Variants in HEATR5B observed in about 807,000 individuals in gnomAD.
The protein encoded by HEATR5B is HEAT repeat-containing protein 5B.
HEATR5B carries 156 observed loss-of-function variants against 224.1 expected under a neutral mutation model. The observed-to-expected ratio is 0.70, with a 90% confidence interval of 0.61 to 0.80. The LOEUF is 0.80. Ranked by LOEUF, HEATR5B falls within the 30% of genes least tolerant of loss-of-function variation. The pLI is 0.00. For missense variants in HEATR5B, 2,323 were observed against 2,535.5 expected, an observed-to-expected ratio of 0.92 and a Z score of 1.80; for synonymous variants, 1,027 against 893.0, an observed-to-expected ratio of 1.15 and a Z score of -2.68.
chr2:37,035,657 G>C (rs1669432211), intron 21 of HEATR5B, among the ~76,000 whole-genome samples: 1 of 151,988 alleles, frequency 6.6e-6, no homozygotes, highest in Non-Finnish European at 1.5e-5. Context: ...TCTCTTAACT[G>C]CTTCTACATA....
intron 22 of HEATR5B, among the ~76,000 whole-genome samples, chr2:37,030,565 T>C (rs1402135643): frequency 2.0e-5 from 3 of 152,174 alleles, no homozygotes; most frequent in Admixed American, 1.3e-4. Context: ...TTCAAGGACA[T>C]AGTGCCAAAA....
In HEATR5B at chr2:37,007,225, C is replaced by T. The variant is rs374979869; in HGVS notation, c.4602G>A (p.Ala1534=). Reference sequence around the variant, plus strand: ...CTGTGCTATTTAACCAAAGTGCCACCGCATGGAGAATTGGGGCCCAGGAAT... The same window carrying T: ...CTGTGCTATTTAACCAAAGTGCCACTGCATGGAGAATTGGGGCCCAGGAAT... ...YRNSWAPILH[A]VALWLNSTGF... The change falls in exon 29 of 36, where the codon GCG becomes GCA. Residue 1534 remains alanine, a synonymous_variant. Coordinates refer to ENST00000233099, the MANE Select transcript of HEATR5B (RefSeq NM_019024.3). The T allele has an allele frequency of 7.2e-5, 116 of 1,613,798 alleles. No homozygotes were observed. The highest frequency in any genetic ancestry group is 8.0e-5 in the Non-Finnish European group (94 of 1,180,018).
intron 35 of HEATR5B, among the ~76,000 whole-genome samples, chr2:36,984,527 A>T (rs1052466933): frequency 1.3e-5 from 2 of 152,010 alleles, no homozygotes; most frequent in Non-Finnish European, 2.9e-5. Context: ...GGAGTGAGCT[A>T]CGCAATTAGG....
At chr2:37,002,856 T>G (rs566613965) in intron 31 of HEATR5B, among the ~76,000 whole-genome samples, 1 of 152,198 alleles carries the variant, frequency 6.6e-6, no homozygotes, top group African/African-American at 2.4e-5. Flanking sequence ...CCAGATGAAA[T>G]TGACAAAAGG....
intron 21 of HEATR5B, among the ~76,000 whole-genome samples, chr2:37,035,087 T>C (rs538053908): frequency 3.9e-5 from 6 of 152,256 alleles, no homozygotes; most frequent in African/African-American, 1.4e-4. Flanking sequence ...ATGGAGAACA[T>C]CATAACATTT....
At chr2:37,066,185 T>TA in intron 8 of HEATR5B, among the ~76,000 whole-genome samples, 1 of 152,310 alleles carries the variant, frequency 6.6e-6, no homozygotes, top group East Asian at 1.9e-4. Context: ...ATCCAGTGTA[T>TA]AAAAGCACAG....
In HEATR5B at chr2:37,002,320, AG is replaced by A. The variant is rs768275094; in HGVS notation, c.5302del (p.Leu1768PhefsTer8). On this transcript the variant is annotated frameshift_variant, in exon 32 of 36. Coordinates refer to ENST00000233099, the MANE Select transcript of HEATR5B (RefSeq NM_019024.3). LOFTEE classifies it high-confidence loss of function. ...TVTILSDLPS[L>X]CSPAGCMTIL... is the part of the protein sequence containing the mutation. ...CAATACCGTACCAGCGGGTGAACAA[AG>A]GGATGGTAAATCAGAGAGTATGGTA... The A allele has an allele frequency of 1.5e-5, 25 of 1,614,128 alleles. No individual in the cohort carries two copies. Among genetic ancestry groups the A allele is most frequent in the Non-Finnish European group, 2.1e-5 (25 of 1,180,048 alleles).
At position 37,037,916 on chromosome 2, in the gene HEATR5B, T is replaced by C; in HGVS notation, c.3155A>G (p.Gln1052Arg). The stretch of plus-strand genomic sequence containing the variant: ...TCGTGGTGCAAACATGTGAAGCTGC[T>C]GAAGGCAAGATATGGCAGCTGCCTG... ...LVQAAAISCL[Q>R]QLHMFAPRHV... Residue 1052 changes from glutamine (Q) to arginine (R), a missense_variant, in exon 21 of 36, where the codon CAG becomes CGG. By Grantham distance (43) the Gln-to-Arg change is conservative (BLOSUM62 1). Coordinates refer to ENST00000233099, the MANE Select transcript of HEATR5B (RefSeq NM_019024.3). 1 of 1,600,788 alleles carries C rather than the reference T, an allele frequency of 6.2e-7. No homozygotes were observed. Among genetic ancestry groups the C allele is most frequent in the Non-Finnish European group, 8.5e-7 (1 of 1,171,616 alleles).
At chr2:37,015,920 C>G (rs112871971) in intron 26 of HEATR5B, among the ~76,000 whole-genome samples, 10 of 151,088 alleles carry the variant, frequency 6.6e-5, no homozygotes, top group Admixed American at 1.3e-4. Flanking sequence ...TAAAGCCAGA[C>G]CAGATGGAAC....
intron 13 of HEATR5B, 93 bp from the exon 14 acceptor site, chr2:37,058,653 C>T: frequency 1.2e-6 from 1 of 835,544 alleles, no homozygotes. Context: ...TGCCAAACTA[C>T]ACTGATAAGT....
chr2:37,068,951 G>T (rs371829666), intron 7 of HEATR5B, 21 bp from the exon 8 acceptor site: 5 of 1,603,602 alleles, frequency 3.1e-6, no homozygotes, highest in Admixed American at 1.7e-5. Context: ...AGGAAGGTAC[G>T]ACTTCAGATA....
intron 27 of HEATR5B, among the ~76,000 whole-genome samples, chr2:37,010,756 C>T (rs1487639474): frequency 2.6e-5 from 4 of 151,960 alleles, no homozygotes; most frequent in Admixed American, 6.6e-5. Context: ...GCAGGTGATC[C>T]ATCCTTCTCA....
At chr2:37,043,843 T>C (rs1398646446) in intron 18 of HEATR5B, among the ~76,000 whole-genome samples, 7 of 152,162 alleles carry the variant, frequency 4.6e-5, no homozygotes, top group Non-Finnish European at 8.8e-5. Context: ...AAGTCCCTAA[T>C]AGAAGCCACA....
Position 37,079,150 on chromosome 2 carries a change from T to C in HEATR5B, c.308A>G (p.Asp103Gly). 6.2e-7 allele frequency: 1 copy of C among 1,607,950 alleles called. No individual in the cohort carries two copies. Among genetic ancestry groups the C allele is most frequent in the Non-Finnish European group, 8.5e-7 (1 of 1,175,648 alleles). ...TGTTGGTAAGTAGGCCGCAGTGTCATCTTTATTTCTGATAATGTCATTGCA... is the reference window on the plus strand; with the variant it reads ...TGTTGGTAAGTAGGCCGCAGTGTCACCTTTATTTCTGATAATGTCATTGCA... ...DKCNDIIRNK[D>G]DTAAYLPTKL... The change falls in exon 3 of 36, where the codon GAT becomes GGT. Residue 103 changes from aspartate to glycine, a missense_variant. By Grantham distance (94) the Asp-to-Gly change is moderately conservative. Around this residue, in one of 12 missense-constraint regions of HEATR5B, gnomAD observed 292 missense variants for 332.6 expected, o/e 0.88. Transcript: ENST00000233099.
At chr2:37,015,083 T>G (rs1668032099) in intron 26 of HEATR5B, among the ~76,000 whole-genome samples, 1 of 152,144 alleles carries the variant, frequency 6.6e-6, no homozygotes, top group Non-Finnish European at 1.5e-5. Context: ...GACTGTAATA[T>G]GGGACACTTA....
Position 37,034,410 on chromosome 2 carries a change from G to A in HEATR5B, c.3217-1637C>T, listed in dbSNP as rs1165950170. Among the ~76,000 whole-genome samples the A allele has an allele frequency of 3.6e-5, 5 of 139,504 alleles. No individual in the cohort carries two copies. In the South Asian group the frequency reaches 7.2e-4, roughly 20 times the overall value. The allele number at this position is 139,504 out of a possible 152,430, so 91.5% of individuals were successfully genotyped here. A position where few individuals can be genotyped will look rare whatever the true frequency, so the allele number is the denominator to read the frequency against. ...GGGCGGATCACGAGGTCAGGAGATCGAGACCATCCCGGCTAAAACGGTGAA... is the reference window on the plus strand; with the variant it reads ...GGGCGGATCACGAGGTCAGGAGATCAAGACCATCCCGGCTAAAACGGTGAA... On this transcript the variant is annotated intron_variant, in intron 21 of 35. Coordinates refer to ENST00000233099, the MANE Select transcript of HEATR5B (RefSeq NM_019024.3).
intron 12 of HEATR5B, 42 bp from the exon 13 acceptor site, chr2:37,059,029 G>A: frequency 2.5e-6 from 3 of 1,207,240 alleles, no homozygotes; most frequent in Non-Finnish European, 3.6e-6. Flanking sequence ...AGTAGCTTTT[G>A]TGAACATGAA....
At chr2:37,081,910 TAAA>T (rs1273582529) in intron 2 of HEATR5B, among the ~76,000 whole-genome samples, 2 of 4,822 alleles carry the variant, frequency 4.1e-4, no homozygotes, top group East Asian at 0.25. Context: ...TACAGAAACC[TAAA>T]ATACTAAGGT....
intron 26 of HEATR5B, among the ~76,000 whole-genome samples, chr2:37,018,145 A>G (rs1668238310): frequency 6.6e-6 from 1 of 152,148 alleles, no homozygotes; most frequent in Non-Finnish European, 1.5e-5. Flanking sequence ...CAACAGAAGG[A>G]AAGGAGGTCA....
Sources: allele counts gnomAD v4.1 joint callset (sites outside exome capture counted in the v4.1 genomes callset), GRCh38; gene constraint gnomAD v4.1.1; regional missense constraint gnomAD v4.1.1; transcripts MANE v1.5; gene names NCBI Gene and HGNC (gene_info 2026-07-23, HGNC 2026-07-21).